Variants in KLC1 observed in about 807,000 individuals in gnomAD.
KLC1 encodes kinesin 2 60/70kDa.
In KLC1, 30 loss-of-function variants were observed where a neutral mutation model predicts 84.2. That is an observed-to-expected ratio of 0.36 (90% CI 0.27 to 0.48). The LOEUF (loss-of-function observed/expected upper bound fraction) is 0.48. KLC1 is among the 20% of genes least tolerant of loss of function. The pLI, the probability that KLC1 is intolerant of heterozygous loss-of-function variation, is 0.99. For missense variants in KLC1, 499 were observed against 805.4 expected (o/e 0.62, Z 4.60); for synonymous variants, 289 against 293.3 (o/e 0.99, Z 0.15).
Position 103,694,177 on chromosome 14 carries a change from G to A in KLC1, c.1848+1752G>A. On this transcript the variant is annotated intron_variant, in intron 15 of 16. Transcript: ENST00000334553. The surrounding 1 kb of genome is among the most constrained non-coding windows in gnomAD (Gnocchi z 4.5). ...AGGTCCCCATGCCTGTGGCCCTGGG[G>A]CCCCATGCCCCCTTTTGAGCTGTGT... The A allele has an allele frequency of 1.0e-6, 1 of 985,256 alleles. No homozygotes were observed. The highest frequency in any genetic ancestry group is 1.2e-6 in the Non-Finnish European group (1 of 830,194). 61.0% of individuals were successfully genotyped at this position (985,256 alleles called of 1,614,324 possible). A position where few individuals can be genotyped will look rare whatever the true frequency, so the allele number is the denominator to read the frequency against.
rs570670363 is a variant in KLC1 at position 103,693,565 on chromosome 14, T to G, written c.1848+1140T>G. The G allele has an allele frequency of 1.1e-3, 1,639 of 1,536,146 alleles. 29 individuals are homozygous for G. The South Asian group carries it at 0.018, about 16-fold the overall frequency. The stretch of plus-strand genomic sequence containing the variant: ...TTTTTTCATGCAGGAACGAAATAAT[T>G]GTCTGGCCGACTCGCGAGCTCTGAG... On this transcript the variant is annotated intron_variant, in intron 15 of 16. Transcript: ENST00000334553. This position sits in a 1 kb window ranked among gnomAD's most constrained non-coding sequence, Gnocchi z 5.1.
At chr14:103,697,739 G>A (rs2082678627) in intron 15 of KLC1, 1 of 152,308 alleles carries the variant, frequency 6.6e-6, no homozygotes. Flanking sequence ...TGTGCCCATG[G>A]GGAGGCCACG....
At chr14:103,697,046 G>C in intron 15 of KLC1, 1 of 985,430 alleles carries the variant, frequency 1.0e-6, no homozygotes, top group Non-Finnish European at 1.2e-6. Context: ...ATGTACCTCT[G>C]TCTTTAAGCT....
intron 5 of KLC1, among the ~76,000 whole-genome samples, chr14:103,668,168 G>A (rs143372756): frequency 0.018 from 2,763 of 152,332 alleles, 29 homozygotes; most frequent in South Asian, 0.052. Context: ...GTGAGGTCAC[G>A]TAATGCACCC....
At chr14:103,659,511 A>G (rs1226852624) in intron 3 of KLC1, among the ~76,000 whole-genome samples, 2 of 152,222 alleles carry the variant, frequency 1.3e-5, no homozygotes, top group African/African-American at 2.4e-5. Flanking sequence ...TAACTGAAAC[A>G]CAGACTTGGT....
At chr14:103,688,040 T>A (rs2081890588) in intron 14 of KLC1, 1 of 152,254 alleles carries the variant, frequency 6.6e-6, no homozygotes, top group African/African-American at 2.4e-5. Flanking sequence ...CACTTTAAGT[T>A]CTGTGAGTAA....
chr14:103,661,371 C>T (rs1212192010), intron 3 of KLC1, among the ~76,000 whole-genome samples: 1 of 152,178 alleles, frequency 6.6e-6, no homozygotes. Flanking sequence ...TCTTTCATGA[C>T]ATTGGTGTTT....
chr14:103,644,674 A>T (rs1473693771), intron 1 of KLC1, among the ~76,000 whole-genome samples: 1 of 152,170 alleles, frequency 6.6e-6, no homozygotes, highest in Non-Finnish European at 1.5e-5. Context: ...TAGGAGGATC[A>T]CTTGAGCCCA....
chr14:103,671,089 G>A (rs2080347080), intron 7 of KLC1, among the ~76,000 whole-genome samples: 1 of 151,954 alleles, frequency 6.6e-6, no homozygotes, highest in Non-Finnish European at 1.5e-5. Context: ...ATTTGACAGT[G>A]GAACATGTGC....
intron 9 of KLC1, among the ~76,000 whole-genome samples, chr14:103,673,634 A>G (rs1047533465): frequency 6.6e-6 from 1 of 152,174 alleles, no homozygotes; most frequent in Non-Finnish European, 1.5e-5. Context: ...AAAAGCAAGG[A>G]TACCACAGGC....
intron 1 of KLC1, 98 bp from the exon 2 acceptor site, chr14:103,654,466 C>T: frequency 1.1e-6 from 1 of 879,438 alleles, no homozygotes; most frequent in South Asian, 1.9e-5. Context: ...TATTATTCCC[C>T]TATAAAATGT....
intron 13 of KLC1, chr14:103,686,868 A>G (rs2081809193): frequency 4.4e-6 from 1 of 228,802 alleles, no homozygotes; most frequent in Non-Finnish European, 8.7e-6. Flanking sequence ...TTTCATGATC[A>G]TTGGATTATC....
At chr14:103,679,286 CTGT>C in intron 12 of KLC1, 95 bp from the exon 13 acceptor site, 1 of 1,244,662 alleles carries the variant, frequency 8.0e-7, no homozygotes, top group Non-Finnish European at 1.1e-6. Context: ...TGATTAAGAA[CTGT>C]TTTTTTTTTT....
intron 1 of KLC1, among the ~76,000 whole-genome samples, chr14:103,644,514 C>T (rs1219217758): frequency 1.3e-5 from 2 of 152,116 alleles, no homozygotes; most frequent in Non-Finnish European, 1.5e-5. Flanking sequence ...CCGCTTCAGC[C>T]TCCCGAAGTG....
chr14:103,700,055 A>T (rs987683962), intron 15 of KLC1: 1 of 245,364 alleles, frequency 4.1e-6, no homozygotes, highest in Non-Finnish European at 8.1e-6. Flanking sequence ...TGACCTCTTC[A>T]GACGCTCAGC....
intron 15 of KLC1, chr14:103,699,891 T>A (rs756335747): frequency 3.1e-5 from 13 of 417,804 alleles, no homozygotes; most frequent in African/African-American, 4.1e-5. Context: ...GGCTCCTGAG[T>A]CCTTGCGGGG....
At chr14:103,675,066 C>T (rs575040775) in intron 9 of KLC1, among the ~76,000 whole-genome samples, 4 of 152,204 alleles carry the variant, frequency 2.6e-5, no homozygotes, top group Non-Finnish European at 4.4e-5. Flanking sequence ...CGGTGGCTCA[C>T]GCCTGTAATC....
intron 15 of KLC1, chr14:103,698,663 G>A: frequency 1.3e-6 from 1 of 793,522 alleles, no homozygotes; most frequent in Non-Finnish European, 2.1e-6. Context: ...ATGAGAAAGT[G>A]GAGCCGCTGC....
At chr14:103,665,293 C>T (rs1251265038) in intron 5 of KLC1, among the ~76,000 whole-genome samples, 1 of 152,010 alleles carries the variant, frequency 6.6e-6, no homozygotes, top group Non-Finnish European at 1.5e-5. Flanking sequence ...TCCAAATGAT[C>T]CTCCACCTTG....
Sources: allele counts gnomAD v4.1 joint callset (sites outside exome capture counted in the v4.1 genomes callset), GRCh38; gene constraint gnomAD v4.1.1; non-coding constraint Gnocchi (gnomAD v3.1); transcripts MANE v1.5; gene names NCBI Gene and HGNC (gene_info 2026-07-23, HGNC 2026-07-21).